DNAH5: variants seen among roughly 807,000 people sequenced by gnomAD.
DNAH5 encodes the protein axonemal beta dynein heavy chain 5.
In DNAH5, 372 loss-of-function variants were observed where a neutral mutation model predicts 518.2. That is an observed-to-expected ratio of 0.72 (90% confidence interval 0.66 to 0.78). DNAH5 has a LOEUF of 0.78. Ranked by LOEUF, DNAH5 falls within the 30% of genes least tolerant of loss-of-function variation. The pLI is 0.00. For synonymous variants in DNAH5, 2,039 were observed against 2,025.9 expected (o/e 1.01, Z -0.17); for missense variants, 5,523 against 5,687.0 (o/e 0.97, Z 0.93).
chr5:13,990,131 G>C (rs1446382847), intron 1 of DNAH5, among the ~76,000 whole-genome samples: 1 of 150,358 alleles, frequency 6.7e-6, no homozygotes, highest in Non-Finnish European at 1.5e-5. Flanking sequence ...ATGAGAAAAA[G>C]TAAATTAAAA....
rs375979314 is a variant in DNAH5, at chr5:13,725,120, C to A, written c.12033+2387G>T. 8.3e-4 allele frequency among the ~76,000 whole-genome samples: 126 copies of A among 152,296 alleles called. 1 individual carries two copies. The highest frequency in any genetic ancestry group is 2.9e-3 in the African/African-American group (121 of 41,556). ...CCCAGCCCTTATGAAGCTTGCCCCC[C>A]ACCTCCATGCCAGGATGAGACATAC... On this transcript the variant is annotated intron_variant, in intron 70 of 78. Coordinates refer to ENST00000265104, the MANE Select transcript of DNAH5 (RefSeq NM_001369.3).
At chr5:13,933,738 C>T (rs933797758) in intron 1 of DNAH5, among the ~76,000 whole-genome samples, 7 of 139,592 alleles carry the variant, frequency 5.0e-5, no homozygotes, top group East Asian at 2.0e-4. Context: ...TGCAGTGAGC[C>T]GAGATTGCAC....
At chr5:13,720,153 A>T (rs1744855045) in intron 71 of DNAH5, among the ~76,000 whole-genome samples, 1 of 151,814 alleles carries the variant, frequency 6.6e-6, no homozygotes. Flanking sequence ...AAGTCTTAGC[A>T]GAGTTACACG....
At chr5:13,834,955 G>A (rs944832893) in intron 35 of DNAH5, among the ~76,000 whole-genome samples, 17 of 152,316 alleles carry the variant, frequency 1.1e-4, no homozygotes, top group Admixed American at 2.6e-4. Flanking sequence ...CGAGGACAAC[G>A]ACAGAGGCAG....
chr5:13,752,409 A>T, intron 63 of DNAH5, 120 bp from the exon 64 acceptor site: 2 of 1,224,572 alleles, frequency 1.6e-6, no homozygotes, highest in Non-Finnish European at 2.4e-6. Flanking sequence ...CAAATTGAGC[A>T]TCCAAAATGT....
chr5:13,935,587 T>C (rs1002052563), intron 1 of DNAH5, among the ~76,000 whole-genome samples: 3 of 152,232 alleles, frequency 2.0e-5, no homozygotes. Flanking sequence ...AATGCCACAA[T>C]GTTTATCAAT....
At chr5:13,997,195 T>C (rs954516202) in intron 1 of DNAH5, among the ~76,000 whole-genome samples, 3 of 152,244 alleles carry the variant, frequency 2.0e-5, no homozygotes, top group African/African-American at 4.8e-5. Context: ...TCCAACTTTT[T>C]AGGTTCTGCT....
In DNAH5 at chr5:13,884,912, G is replaced by A. The variant is rs879224457; in HGVS notation, c.2983+77C>T. 54 of 1,534,102 alleles carry A rather than the reference G, an allele frequency of 3.5e-5. No individual in the cohort carries two copies. The Middle Eastern group carries it at 6.6e-4, about 19-fold the overall frequency. Reference sequence around the variant, plus strand: ...CAGGAATGTACATGCACGTGCACACGTGCACACACACACACACACACATAC... The same window carrying A: ...CAGGAATGTACATGCACGTGCACACATGCACACACACACACACACACATAC... On this transcript the variant is annotated intron_variant, in intron 19 of 78. Transcript: ENST00000265104.
intron 48 of DNAH5, 52 bp downstream of exon 48, chr5:13,793,883 GA>G: frequency 6.2e-7 from 1 of 1,601,528 alleles, no homozygotes. Context: ...ACTCTTCTAA[GA>G]ATAAATCAAT....
At chr5:13,849,356 C>T (rs751576329) in intron 31 of DNAH5, among the ~76,000 whole-genome samples, 1 of 152,180 alleles carries the variant, frequency 6.6e-6, no homozygotes, top group African/African-American at 2.4e-5. Flanking sequence ...TCCCTTAGTT[C>T]CCTGAATGAA....
chr5:13,910,941 A>C (rs370093609), intron 12 of DNAH5, among the ~76,000 whole-genome samples: 4 of 152,346 alleles, frequency 2.6e-5, no homozygotes, highest in East Asian at 3.9e-4. Context: ...AGCGGGGTCC[A>C]GGTGCTGAGT....
At chr5:13,823,820 C>T (rs1241344428) in intron 39 of DNAH5, among the ~76,000 whole-genome samples, 1 of 152,204 alleles carries the variant, frequency 6.6e-6, no homozygotes, top group East Asian at 1.9e-4. Context: ...TTATCAGTCT[C>T]TATCGTGAAA....
intron 51 of DNAH5, 68 bp from the exon 52 acceptor site, chr5:13,786,419 T>C: frequency 7.0e-7 from 1 of 1,437,906 alleles, no homozygotes; most frequent in Non-Finnish European, 9.7e-7. Context: ...TCTAAATTAA[T>C]ACACTCAAAG....
Position 13,727,500 on chromosome 5 carries a change from T to C in DNAH5, c.12033+7A>G, listed in dbSNP as rs77541151. ...TCTCATTTTTCTCTTTAATATGGAC[T>C]TTTTACCTGGGCGATGGTTCTGTCA... is the stretch of plus-strand genomic sequence containing the variant. On this transcript the variant is annotated splice_region_variant and intron_variant, in intron 70 of 78. Coordinates refer to ENST00000265104, the MANE Select transcript of DNAH5 (RefSeq NM_001369.3). The C allele has an allele frequency of 4.0e-3, 6,498 of 1,611,672 alleles. 248 individuals are homozygous for C. In the African/African-American group the frequency reaches 0.075, roughly 19 times the overall value.
intron 78 of DNAH5, among the ~76,000 whole-genome samples, chr5:13,694,588 A>G (rs972799957): frequency 1.3e-5 from 2 of 152,210 alleles, no homozygotes; most frequent in African/African-American, 4.8e-5. Context: ...AAAGGTTTTA[A>G]CAAAACACCT....
At chr5:13,966,703 G>T (rs1046964508) in intron 1 of DNAH5, among the ~76,000 whole-genome samples, 2 of 152,058 alleles carry the variant, frequency 1.3e-5, no homozygotes. Context: ...TTTTTGATGG[G>T]ATTGTTTGAT....
At chr5:13,904,092 T>C (rs919083435) in intron 12 of DNAH5, among the ~76,000 whole-genome samples, 4 of 151,416 alleles carry the variant, frequency 2.6e-5, no homozygotes, top group Admixed American at 6.6e-5. Context: ...CAGGTATATA[T>C]GCTAAAACCA....
At chr5:13,884,309 A>AT (rs1203590671) in intron 19 of DNAH5, among the ~76,000 whole-genome samples, 2 of 152,160 alleles carry the variant, frequency 1.3e-5, no homozygotes, top group African/African-American at 4.8e-5. Context: ...TAAAGTATGT[A>AT]TTTTTTTCTT....
At chr5:13,817,321 C>G (rs1380461518) in intron 42 of DNAH5, among the ~76,000 whole-genome samples, 1 of 152,120 alleles carries the variant, frequency 6.6e-6, no homozygotes, top group African/African-American at 2.4e-5. Context: ...CACAGGGATA[C>G]AGACATATTT....
Sources: allele counts gnomAD v4.1 joint callset (sites outside exome capture counted in the v4.1 genomes callset), GRCh38; gene constraint gnomAD v4.1.1; transcripts MANE v1.5; gene names NCBI Gene and HGNC (gene_info 2026-07-23, HGNC 2026-07-21).